The following CTNND1 variants were observed in gnomAD, a reference collection of about 807,000 sequenced individuals.
The protein encoded by CTNND1 is catenin delta 1, also known as catenin delta-1.
Under a neutral mutation model 112.1 loss-of-function variants are expected in CTNND1, and 16 were observed. The ratio of observed to expected loss-of-function variants is 0.14; its 90% CI spans 0.10 to 0.22. CTNND1 has a LOEUF of 0.22. Ranked by LOEUF, CTNND1 falls within the 10% of genes least tolerant of loss-of-function variation. The pLI is 1.00. For synonymous variants in CTNND1, 420 were observed against 446.5 expected, an observed-to-expected ratio of 0.94 and a Z score of 0.75; for missense variants, 1,008 against 1,257.0, an observed-to-expected ratio of 0.80 and a Z score of 3.00.
At chr11:57,762,421 A>C (rs544573046) in intron 1 of CTNND1, among the ~76,000 whole-genome samples, 1 of 152,202 alleles carries the variant, frequency 6.6e-6, no homozygotes, top group Non-Finnish European at 1.5e-5. Flanking sequence ...AGCCCAAATC[A>C]AAAGTTGGTT....
chr11:57,797,304 C>CA (rs2061444675), intron 6 of CTNND1, among the ~76,000 whole-genome samples: 1 of 148,976 alleles, frequency 6.7e-6, no homozygotes, highest in Non-Finnish European at 1.5e-5. Context: ...CATCTTGGCT[C>CA]ACTGCCACCT....
At chr11:57,810,876 G>C (rs867169079) in intron 16 of CTNND1, among the ~76,000 whole-genome samples, 1 of 151,696 alleles carries the variant, frequency 6.6e-6, no homozygotes, top group African/African-American at 2.4e-5. Context: ...AGGATTGCTT[G>C]AGCCCAGGAG....
intron 1 of CTNND1, among the ~76,000 whole-genome samples, chr11:57,769,954 C>A (rs948579986): frequency 1.3e-5 from 2 of 152,032 alleles, no homozygotes; most frequent in African/African-American, 4.8e-5. Flanking sequence ...CGGAGTAAAT[C>A]ATCTGTTTTA....
intron 17 of CTNND1, among the ~76,000 whole-genome samples, chr11:57,813,415 A>G (rs780841272): frequency 1.6e-4 from 24 of 152,238 alleles, no homozygotes; most frequent in Admixed American, 2.6e-4. Context: ...GTGTAATGCT[A>G]TGTGTTAGCA....
chr11:57,801,282 A>G (rs922664949), intron 6 of CTNND1, among the ~76,000 whole-genome samples: 5 of 152,148 alleles, frequency 3.3e-5, no homozygotes, highest in Admixed American at 1.3e-4. Context: ...GTAAATGCCT[A>G]ATTTCCTGTT....
Position 57,791,451 on chromosome 11 carries a change from C to A in CTNND1, c.-28C>A, listed in dbSNP as rs1254704589. The A allele has an allele frequency of 7.0e-7, 1 of 1,426,250 alleles. No homozygotes were observed. Among genetic ancestry groups the A allele is most frequent in the African/African-American group, 1.5e-5 (1 of 67,878 alleles). 88.3% of individuals were successfully genotyped at this position (1,426,250 alleles called of 1,614,324 possible). A position where few individuals can be genotyped will look rare whatever the true frequency, so the allele number is the denominator to read the frequency against. Reference sequence around the variant, plus strand: ...GTGATTCACCTTCCTTTTTACCCTGCCCTGCGGCGGCTCCGCCCCTTACCT... The same window carrying A: ...GTGATTCACCTTCCTTTTTACCCTGACCTGCGGCGGCTCCGCCCCTTACCT... On this transcript the variant is annotated 5_prime_UTR_variant, in exon 3 of 21. Transcript: ENST00000399050.
intron 1 of CTNND1, among the ~76,000 whole-genome samples, chr11:57,783,115 GTC>G (rs2059754244): frequency 6.6e-6 from 1 of 151,998 alleles, no homozygotes; most frequent in Non-Finnish European, 1.5e-5. Flanking sequence ...GTGAAACCGT[GTC>G]TCTACTAAAA....
At chr11:57,810,398 G>T in intron 16 of CTNND1, among the ~76,000 whole-genome samples, 175 bp downstream of exon 16, 1 of 151,348 alleles carries the variant, frequency 6.6e-6, no homozygotes, top group African/African-American at 2.4e-5. Context: ...GCGCAATCTC[G>T]GCTCACTGCA....
In CTNND1 at chr11:57,806,458, A is replaced by G; in HGVS notation, c.1877-3A>G. 6.2e-7 allele frequency: 1 copy of G among 1,602,916 alleles called. No individual in the cohort carries two copies. The highest frequency in any genetic ancestry group is 1.7e-5 in the Admixed American group (1 of 58,388). Reference sequence around the variant, plus strand: ...CTTTCTACCTTGGGTGATGCACTGGAAGATGAGTGGTTCTCCAGAGGTGAG... The same window carrying G: ...CTTTCTACCTTGGGTGATGCACTGGGAGATGAGTGGTTCTCCAGAGGTGAG... On this transcript the variant is annotated splice_region_variant and splice_polypyrimidine_tract_variant and intron_variant, in intron 10 of 20. Coordinates refer to ENST00000399050, the MANE Select transcript of CTNND1 (RefSeq NM_001085458.2).
At chr11:57,811,536 C>A in intron 17 of CTNND1, 50 bp downstream of exon 17, 1 of 1,250,662 alleles carries the variant, frequency 8.0e-7, no homozygotes, top group Non-Finnish European at 1.2e-6. Context: ...TCTTGCTGTT[C>A]TAGGTGGCTT....
intron 1 of CTNND1, among the ~76,000 whole-genome samples, chr11:57,768,876 G>C (rs1247203279): frequency 6.6e-6 from 1 of 152,016 alleles, no homozygotes; most frequent in African/African-American, 2.4e-5. Context: ...GAAACTTGCG[G>C]GTTTATTCCA....
At position 57,770,769 on chromosome 11, in the gene CTNND1, C is replaced by T. The variant is rs1291449273; in HGVS notation, c.-214+8650C>T. Among the ~76,000 whole-genome samples, 5 of 152,102 alleles carry T rather than the reference C, an allele frequency of 3.3e-5. No individual in the cohort carries two copies. In the East Asian group the frequency reaches 9.6e-4, roughly 29 times the overall value. Reference sequence around the variant, plus strand: ...AGGACATAAGACATTGTTATAGAAACTAGGTCAACTTCTCAATACCTTTAT... The same window carrying T: ...AGGACATAAGACATTGTTATAGAAATTAGGTCAACTTCTCAATACCTTTAT... On this transcript the variant is annotated intron_variant, in intron 1 of 20. Coordinates refer to ENST00000399050, the MANE Select transcript of CTNND1 (RefSeq NM_001085458.2).
chr11:57,773,637 A>T (rs12271247), intron 1 of CTNND1, among the ~76,000 whole-genome samples: 2,251 of 145,340 alleles, frequency 0.015, 58 homozygotes, highest in African/African-American at 0.049. Context: ...TTTTTTTTTT[A>T]AATTAAAAAA....
chr11:57,769,208 G>A (rs1050926339), intron 1 of CTNND1, among the ~76,000 whole-genome samples: 3 of 151,930 alleles, frequency 2.0e-5, no homozygotes, highest in African/African-American at 4.8e-5. Context: ...TGAGCTACTC[G>A]GGAGGCTGAG....
At position 57,816,500 on chromosome 11, in the gene CTNND1, A is replaced by G; in HGVS notation, c.*192A>G. On this transcript the variant is annotated 3_prime_UTR_variant, in exon 21 of 21. Coordinates refer to ENST00000399050, the MANE Select transcript of CTNND1 (RefSeq NM_001085458.2). ...CTTCCTGTGAAGTTTAATTGTCTCA[A>G]CGCCTCCCCCTCCCCCATTCCCTCC... 4.7e-6 allele frequency: 3 copies of G among 632,966 alleles called. No homozygotes were observed. Among genetic ancestry groups the G allele is most frequent in the Admixed American group, 2.7e-5 (1 of 37,684 alleles). The allele number at this position is 632,966 out of a possible 1,614,324, so 39.2% of individuals were successfully genotyped here. A position where few individuals can be genotyped will look rare whatever the true frequency, so the allele number is the denominator to read the frequency against.
intron 1 of CTNND1, among the ~76,000 whole-genome samples, chr11:57,784,670 A>C (rs2059949088): frequency 6.6e-6 from 1 of 151,868 alleles, no homozygotes. Context: ...TGCCCGGCTA[A>C]TTTTTTTGTA....
rs2064060998 is a variant in CTNND1, at chr11:57,817,883, C to A, written c.*1575C>A. The stretch of plus-strand genomic sequence containing the variant: ...CCTTTTCCTTATTTGCCTTCTACTC[C>A]CCTTAATCTAATCTAAAAGCTCTGT... On this transcript the variant is annotated 3_prime_UTR_variant, in exon 21 of 21. Coordinates refer to ENST00000399050, the MANE Select transcript of CTNND1 (RefSeq NM_001085458.2). 6.6e-6 allele frequency: 1 copy of A among 152,406 alleles called. No homozygotes were observed. Among genetic ancestry groups the A allele is most frequent in the African/African-American group, 2.4e-5 (1 of 41,354 alleles). 9.4% of individuals were successfully genotyped at this position (152,406 alleles called of 1,614,324 possible).
At chr11:57,795,771 C>T (rs1274409849) in intron 5 of CTNND1, 42 bp downstream of exon 5, 2 of 1,514,636 alleles carry the variant, frequency 1.3e-6, no homozygotes, top group East Asian at 2.4e-5. Flanking sequence ...GATAAGAGGT[C>T]TTTTCTTCTC....
At chr11:57,782,135 A>G (rs956250896) in intron 1 of CTNND1, among the ~76,000 whole-genome samples, 4 of 152,010 alleles carry the variant, frequency 2.6e-5, no homozygotes, top group African/African-American at 7.2e-5. Context: ...CTGTTGATGT[A>G]TAGAGGTTGC....
Sources: gnomAD v4.1 joint callset for allele counts (sites outside exome capture counted in the v4.1 genomes callset) on GRCh38, gnomAD v4.1.1 for gene constraint, MANE v1.5 for transcripts, NCBI Gene and HGNC (gene_info 2026-07-23, HGNC 2026-07-21) for gene names.